C1orf141: variants seen among roughly 807,000 people sequenced by gnomAD.
C1orf141 encodes the protein chromosome 1 open reading frame 141.
C1orf141 carries 19 observed loss-of-function variants against 23.2 expected under a neutral mutation model. That is an observed-to-expected ratio of 0.82 (90% CI 0.57 to 1.20). C1orf141 has a LOEUF of 1.20. C1orf141 is among the 50% of genes most tolerant of loss of function. C1orf141 has a pLI of 0.00. For synonymous variants in C1orf141, 153 were observed against 154.6 expected (o/e 0.99, Z 0.08); for missense variants, 469 against 455.1 (o/e 1.03, Z -0.28).
At chr1:67,102,812 C>T (rs1159294810) in intron 5 of C1orf141, 1 of 152,284 alleles carries the variant, frequency 6.6e-6, no homozygotes, top group Admixed American at 6.5e-5. Flanking sequence ...TATAAAGCCC[C>T]TGAATGAGTC....
intron 5 of C1orf141, chr1:67,103,468 A>T: frequency 1.4e-6 from 1 of 715,048 alleles, no homozygotes; most frequent in East Asian, 3.1e-5. Context: ...GAGTATTCAC[A>T]TTTGCAATAT....
chr1:67,104,750 GAAGCTTAC>G (rs1457120812), intron 5 of C1orf141, among the ~76,000 whole-genome samples: 1 of 152,004 alleles, frequency 6.6e-6, no homozygotes, highest in Admixed American at 6.5e-5. Context: ...GAAAAATAAA[GAAGCTTAC>G]AAGCTAATCT....
chr1:67,094,071 T>TA (rs1645615329), intron 7 of C1orf141: 1 of 152,584 alleles, frequency 6.6e-6, no homozygotes, highest in Non-Finnish European at 1.5e-5. Flanking sequence ...TTCAAAAAAT[T>TA]AAAAATTATC....
chr1:67,128,397 ATTTATTTT>A (rs1646458166), intron 2 of C1orf141, among the ~76,000 whole-genome samples: 1 of 132,774 alleles, frequency 7.5e-6, no homozygotes, highest in African/African-American at 2.8e-5. Context: ...TTATTTATTT[ATTTATTTT>A]AAAAATTGAG....
At chr1:67,122,861 T>C (rs1388816154) in intron 4 of C1orf141, 3 of 152,214 alleles carry the variant, frequency 2.0e-5, no homozygotes, top group Admixed American at 2.0e-4. Context: ...CATTTTAACA[T>C]TCTTTTGGGA....
At chr1:67,110,179 G>T (rs1427964212) in intron 5 of C1orf141, among the ~76,000 whole-genome samples, 1 of 152,008 alleles carries the variant, frequency 6.6e-6, no homozygotes, top group Non-Finnish European at 1.5e-5. Context: ...ATATATACTT[G>T]ACCTAGGGAA....
At chr1:67,122,945 C>T (rs1646328255) in intron 4 of C1orf141, 1 of 152,128 alleles carries the variant, frequency 6.6e-6, no homozygotes, top group Admixed American at 6.5e-5. Flanking sequence ...TGGCTCACTC[C>T]TGTAATTCCA....
chr1:67,109,347 AAAAAAAAAAG>A (rs1284908783), intron 5 of C1orf141, among the ~76,000 whole-genome samples: 2 of 109,800 alleles, frequency 1.8e-5, no homozygotes, highest in Non-Finnish European at 2.0e-5. Context: ...AAAAAAAAAA[AAAAAAAAAAG>A]GAATAAGGAG....
intron 4 of C1orf141, among the ~76,000 whole-genome samples, chr1:67,117,952 T>C (rs1389668482): frequency 6.6e-6 from 1 of 152,174 alleles, no homozygotes; most frequent in African/African-American, 2.4e-5. Flanking sequence ...ATAAGGTTAA[T>C]AGTTATCTCA....
At chr1:67,125,690 C>T (rs769840948) in intron 4 of C1orf141, 62 bp downstream of exon 4, 2 of 1,501,428 alleles carry the variant, frequency 1.3e-6, no homozygotes, top group African/African-American at 2.8e-5. Context: ...TGAGTGAGTC[C>T]TTGTTTCACA....
At chr1:67,127,935 A>G (rs1276141378) in intron 2 of C1orf141, among the ~76,000 whole-genome samples, 2 of 151,966 alleles carry the variant, frequency 1.3e-5, no homozygotes, top group Non-Finnish European at 2.9e-5. Flanking sequence ...GTGCCTGGCC[A>G]GGAGTAGGAC....
At chr1:67,099,934 A>G (rs905379069) in intron 5 of C1orf141, among the ~76,000 whole-genome samples, 2 of 152,216 alleles carry the variant, frequency 1.3e-5, no homozygotes, top group Admixed American at 6.5e-5. Flanking sequence ...CTGCACTTGT[A>G]TAAGCTTTTT....
Position 67,093,396 on chromosome 1 carries a change from G to A in C1orf141, c.812C>T (p.Thr271Ile). ...QSISLFKPQK[T>I]MPTVQRKDIQ... ...ATCTTTTCTCTGTACTGTAGGCATAGTTTTTTGGGGTTTGAAAAGAGAAAT... is the reference window on the plus strand; with the variant it reads ...ATCTTTTCTCTGTACTGTAGGCATAATTTTTTGGGGTTTGAAAAGAGAAAT... The change falls in exon 8 of 8, where the codon ACT becomes ATT. Residue 271 changes from threonine to isoleucine, a missense_variant. By Grantham distance (89) the Thr-to-Ile change is moderately conservative (BLOSUM62 -1). This residue lies in a region of C1orf141 where 370 missense variants were observed against 348.1 expected (regional missense o/e 1.06). Transcript: ENST00000684719. The A allele has an allele frequency of 6.2e-7, 1 of 1,612,858 alleles. No homozygotes were observed. The highest frequency in any genetic ancestry group is 8.5e-7 in the Non-Finnish European group (1 of 1,179,540).
chr1:67,108,163 C>T (rs1031778827), intron 5 of C1orf141, among the ~76,000 whole-genome samples: 1 of 152,090 alleles, frequency 6.6e-6, no homozygotes, highest in Non-Finnish European at 1.5e-5. Flanking sequence ...ATAATAAAAT[C>T]CCTTAAACAG....
chr1:67,113,004 G>A (rs1646109866), intron 5 of C1orf141, among the ~76,000 whole-genome samples: 1 of 152,184 alleles, frequency 6.6e-6, no homozygotes, highest in South Asian at 2.1e-4. Flanking sequence ...TTTTGAGATA[G>A]AGTCTTGCTC....
intron 5 of C1orf141, 36 bp downstream of exon 5, chr1:67,115,315 TA>T (rs780702797): frequency 1.3e-6 from 1 of 770,748 alleles, no homozygotes; most frequent in Non-Finnish European, 2.2e-6. Flanking sequence ...CACCCATTAA[TA>T]AATCAAAGAA....
At chr1:67,123,670 G>A (rs1646345414) in intron 4 of C1orf141, 1 of 152,104 alleles carries the variant, frequency 6.6e-6, no homozygotes, top group Admixed American at 6.5e-5. Context: ...AGTTTCTAAG[G>A]AGGATCCAAG....
At chr1:67,127,322 GT>G in intron 2 of C1orf141, 65 bp from the exon 3 acceptor site, 1 of 865,780 alleles carries the variant, frequency 1.2e-6, no homozygotes, top group South Asian at 1.5e-5. Flanking sequence ...CTAGGCATAA[GT>G]TTTCAAAAGA....
chr1:67,131,786 CTTTTTTTTTTTTT>C (rs796496335), intron 1 of C1orf141, among the ~76,000 whole-genome samples: 3,325 of 121,530 alleles, frequency 0.027, 167 homozygotes, highest in African/African-American at 0.1. Flanking sequence ...ACTACCTCTT[CTTTTTTTTTTTTT>C]TTTTTTTTGA....
Sources: gnomAD v4.1 joint callset for allele counts (sites outside exome capture counted in the v4.1 genomes callset) on GRCh38, gnomAD v4.1.1 for gene constraint, gnomAD v4.1.1 regional missense constraint, MANE v1.5 for transcripts, NCBI Gene and HGNC (gene_info 2026-07-23, HGNC 2026-07-21) for gene names.